NCAM2: variants seen among roughly 807,000 people sequenced by gnomAD.
NCAM2 encodes the protein N-CAM-2.
Under a neutral mutation model 98.1 loss-of-function variants are expected in NCAM2, and 30 were observed. That is an observed-to-expected ratio of 0.31 (90% confidence interval 0.23 to 0.41). The LOEUF is 0.41. NCAM2 is among the 10% of genes least tolerant of loss of function. The pLI, the probability that NCAM2 is intolerant of heterozygous loss-of-function variation, is 1.00. For synonymous variants in NCAM2, 368 were observed against 342.4 expected, an observed-to-expected ratio of 1.07 and a Z score of -0.83; for missense variants, 867 against 1,005.8, an observed-to-expected ratio of 0.86 and a Z score of 1.87.
intron 14 of NCAM2, among the ~76,000 whole-genome samples, chr21:21,471,925 A>G (rs776338008): frequency 1.3e-5 from 2 of 152,074 alleles, no homozygotes; most frequent in Non-Finnish European, 2.9e-5. Context: ...ACTCTTCATG[A>G]AAATTAATGT....
intron 9 of NCAM2, among the ~76,000 whole-genome samples, chr21:21,381,795 T>C (rs1262626537): frequency 6.6e-6 from 1 of 152,182 alleles, no homozygotes; most frequent in Non-Finnish European, 1.5e-5. Flanking sequence ...TATTCATCTA[T>C]ATGTGGTTTC....
In NCAM2 at chr21:21,247,414, A is replaced by G. The variant is rs142681960; in HGVS notation, c.56-33164A>G. On this transcript the variant is annotated intron_variant, in intron 1 of 17. Transcript: ENST00000400546. ...TCTATTAAAGAGAAACGAAATACAA[A>G]ATTAATTTCTGAAATTAAAAGTTTA... is the stretch of plus-strand genomic sequence containing the variant. Among the ~76,000 whole-genome samples, 335 of 152,348 alleles carry G rather than the reference A, an allele frequency of 2.2e-3. 5 individuals carry two copies. In the South Asian group the frequency reaches 0.026, roughly 12 times the overall value.
intron 1 of NCAM2, among the ~76,000 whole-genome samples, chr21:21,079,641 T>C (rs1277944869): frequency 6.6e-6 from 1 of 152,160 alleles, no homozygotes; most frequent in Non-Finnish European, 1.5e-5. Context: ...CTTGTGTTAT[T>C]GTTATAACTT....
chr21:21,049,524 C>CT (rs879770820), intron 1 of NCAM2, among the ~76,000 whole-genome samples: 41 of 147,302 alleles, frequency 2.8e-4, no homozygotes, highest in African/African-American at 4.2e-4. Flanking sequence ...ACACTGACTA[C>CT]TTTTTTTTTT....
chr21:21,096,690 A>G (rs1348846068), intron 1 of NCAM2, among the ~76,000 whole-genome samples: 1 of 151,522 alleles, frequency 6.6e-6, no homozygotes, highest in Non-Finnish European at 1.5e-5. Flanking sequence ...AGCTTCCAAC[A>G]TTTTATTCTT....
chr21:21,511,528 T>C (rs1295470269), intron 16 of NCAM2, among the ~76,000 whole-genome samples: 2 of 151,992 alleles, frequency 1.3e-5, no homozygotes, highest in Non-Finnish European at 2.9e-5. Context: ...TTCCAGATCT[T>C]AGCTATTCTG....
At chr21:21,279,697 G>C (rs560883760) in intron 1 of NCAM2, among the ~76,000 whole-genome samples, 2 of 152,232 alleles carry the variant, frequency 1.3e-5, no homozygotes, top group Admixed American at 1.3e-4. Flanking sequence ...GATCCTATCT[G>C]TGTGTAGTCT....
Position 21,123,848 on chromosome 21 carries a change from C to CTTTTTTTTTTTTTT in NCAM2, c.55+125234_55+125247dup, listed in dbSNP as rs71193401. ...GCACATTTGAATTCATTCTTGATTG[C>CTTTTTTTTTTTTTT]TTTTTTTTTTTTTTTTTGAGACGGA... On this transcript the variant is annotated intron_variant, in intron 1 of 17. Coordinates refer to ENST00000400546, the MANE Select transcript of NCAM2 (RefSeq NM_004540.5). Among the ~76,000 whole-genome samples the CTTTTTTTTTTTTTT allele has an allele frequency of 7.3e-3, 632 of 86,660 alleles. 82 individuals are homozygous for CTTTTTTTTTTTTTT. Among genetic ancestry groups the CTTTTTTTTTTTTTT allele is most frequent in the Middle Eastern group, 0.013 (1 of 76 alleles). 56.9% of individuals were successfully genotyped at this position (86,660 alleles called of 152,430 possible). A position where few individuals can be genotyped will look rare whatever the true frequency, so the allele number is the denominator to read the frequency against.
At chr21:21,080,165 GT>G (rs2031675483) in intron 1 of NCAM2, among the ~76,000 whole-genome samples, 1 of 152,046 alleles carries the variant, frequency 6.6e-6, no homozygotes, top group South Asian at 2.1e-4. Flanking sequence ...AGTAATGATG[GT>G]TTTATGGGTG....
intron 8 of NCAM2, among the ~76,000 whole-genome samples, chr21:21,366,114 C>T (rs796557952): frequency 7.2e-5 from 11 of 152,056 alleles, no homozygotes; most frequent in African/African-American, 2.4e-4. Flanking sequence ...AGAATGTTCC[C>T]AAAATATTCT....
intron 16 of NCAM2, among the ~76,000 whole-genome samples, chr21:21,510,581 C>A (rs1306801537): frequency 1.1e-5 from 1 of 93,022 alleles, no homozygotes; most frequent in East Asian, 3.2e-4. Flanking sequence ...TGGAAGGTCT[C>A]ATACTGTTTT....
rs8130383 is a variant in NCAM2, at chr21:21,249,093, A to G, written c.56-31485A>G. ...TATGAGGTAAAAATAGTAATAAAAT[A>G]ATAATAATGATAATTACACTGTTAA... On this transcript the variant is annotated intron_variant, in intron 1 of 17. Coordinates refer to ENST00000400546, the MANE Select transcript of NCAM2 (RefSeq NM_004540.5). Among the ~76,000 whole-genome samples the G allele has an allele frequency of 2.1e-3, 324 of 152,266 alleles. 3 individuals are homozygous for G. Among genetic ancestry groups the G allele is most frequent in the African/African-American group, 7.4e-3 (306 of 41,548 alleles).
At chr21:21,071,284 G>T (rs1428870153) in intron 1 of NCAM2, among the ~76,000 whole-genome samples, 7 of 152,166 alleles carry the variant, frequency 4.6e-5, no homozygotes, top group African/African-American at 1.7e-4. Context: ...GAACAAATGA[G>T]AAACATGTGC....
intron 4 of NCAM2, 141 bp from the exon 5 acceptor site, chr21:21,291,963 A>C: frequency 1.5e-6 from 1 of 685,554 alleles, no homozygotes; most frequent in East Asian, 3.1e-5. Context: ...ATTACATTTT[A>C]CTTTCAAATT....
intron 1 of NCAM2, among the ~76,000 whole-genome samples, chr21:21,064,951 A>G (rs943926385): frequency 2.0e-5 from 3 of 152,052 alleles, no homozygotes; most frequent in African/African-American, 7.2e-5. Flanking sequence ...AGCCTGAGGC[A>G]GGTGGATCAC....
chr21:21,067,236 G>A (rs1422033537), intron 1 of NCAM2, among the ~76,000 whole-genome samples: 2 of 151,848 alleles, frequency 1.3e-5, no homozygotes, highest in Admixed American at 6.6e-5. Context: ...GCATGAGAGA[G>A]AGAATATTAC....
At chr21:21,485,210 C>T (rs982268965) in intron 15 of NCAM2, among the ~76,000 whole-genome samples, 1 of 151,846 alleles carries the variant, frequency 6.6e-6, no homozygotes, top group African/African-American at 2.4e-5. Context: ...ATTTGAACAC[C>T]GATTAATTTT....
At chr21:21,296,128 G>A (rs1381826771) in intron 5 of NCAM2, among the ~76,000 whole-genome samples, 1 of 151,792 alleles carries the variant, frequency 6.6e-6, no homozygotes, top group Non-Finnish European at 1.5e-5. Context: ...GCCTAACACA[G>A]CATCATTTCC....
At chr21:21,391,165 C>T (rs1569011346) in intron 9 of NCAM2, among the ~76,000 whole-genome samples, 1 of 151,992 alleles carries the variant, frequency 6.6e-6, no homozygotes, top group South Asian at 2.1e-4. Context: ...CCAGCCTGAG[C>T]AATACAGCAA....
Sources: allele counts gnomAD v4.1 joint callset (sites outside exome capture counted in the v4.1 genomes callset), GRCh38; gene constraint gnomAD v4.1.1; transcripts MANE v1.5; gene names NCBI Gene and HGNC (gene_info 2026-07-23, HGNC 2026-07-21).